The following SPO11 variants were observed in gnomAD, a reference collection of about 807,000 sequenced individuals.
SPO11 encodes meiotic recombination protein SPO11.
Under a neutral mutation model 51.6 loss-of-function variants are expected in SPO11, and 49 were observed. The observed-to-expected ratio is 0.95, with a 90% CI of 0.75 to 1.20. The LOEUF is 1.20. SPO11 is among the 50% of genes most tolerant of loss of function. The pLI is 0.00. For synonymous variants in SPO11, 176 were observed against 158.2 expected (o/e 1.11, Z -0.84); for missense variants, 431 against 473.4 (o/e 0.91, Z 0.83).
chr20:57,331,688 C>CT (rs2066452074), intron 1 of SPO11, 145 bp from the exon 2 acceptor site: 4 of 420,948 alleles, frequency 9.5e-6, no homozygotes, highest in Non-Finnish European at 1.7e-5. Flanking sequence ...TTTTTTTTGT[C>CT]TTTTTTTAAA....
At position 57,334,820 on chromosome 20, in the gene SPO11, G is replaced by A. The variant is rs1166595693; in HGVS notation, c.581G>A (p.Cys194Tyr). Residue 194 changes from cysteine to tyrosine, a missense_variant, in exon 6 of 13, where the codon TGT (cysteine) becomes TAT (tyrosine). Physicochemically the swap from Cys to Tyr is radical, Grantham distance 194. Coordinates refer to ENST00000371263, the MANE Select transcript of SPO11 (RefSeq NM_012444.3). ...GAGGAAGATGGCACCAAAGTGAATT[G>A]TACCTGTGGTGCAACGGTAAGAAGC... is the stretch of plus-strand genomic sequence containing the variant. ...YIEEDGTKVN[C>Y]TCGATAVAVP... 1 of 1,613,722 alleles carries A rather than the reference G, an allele frequency of 6.2e-7. No individual in the cohort carries two copies. Among genetic ancestry groups the A allele is most frequent in the African/African-American group, 1.3e-5 (1 of 75,056 alleles).
At chr20:57,336,020 C>A (rs533150604) in intron 8 of SPO11, 113 bp downstream of exon 8, 2 of 611,110 alleles carry the variant, frequency 3.3e-6, no homozygotes, top group Non-Finnish European at 5.7e-6. Context: ...ATAATGCATC[C>A]TTTGGGATCA....
intron 8 of SPO11, chr20:57,337,625 G>A (rs2066528173): frequency 4.8e-6 from 3 of 620,088 alleles, no homozygotes; most frequent in South Asian, 3.3e-5. Context: ...AAATATGTAG[G>A]ATGTTTATTA....
At chr20:57,337,776 GA>G (rs1341001369) in intron 8 of SPO11, 3 of 1,307,968 alleles carry the variant, frequency 2.3e-6, no homozygotes, top group Non-Finnish European at 3.0e-6. Flanking sequence ...TCCAAGGTAG[GA>G]AGATGTAACC....
chr20:57,342,399 A>G (rs1165465651), intron 11 of SPO11, among the ~76,000 whole-genome samples: 1 of 152,240 alleles, frequency 6.6e-6, no homozygotes, highest in East Asian at 1.9e-4. Context: ...CTGCCCTGGT[A>G]TCTGTATACC....
intron 11 of SPO11, among the ~76,000 whole-genome samples, chr20:57,341,979 G>T (rs953931873): frequency 6.6e-6 from 1 of 152,136 alleles, no homozygotes; most frequent in Non-Finnish European, 1.5e-5. Context: ...TCCAAGAACT[G>T]CCCCTGGCAA....
At chr20:57,335,377 T>C in intron 6 of SPO11, 42 bp from the exon 7 acceptor site, 1 of 1,539,172 alleles carries the variant, frequency 6.5e-7, no homozygotes, top group Non-Finnish European at 8.9e-7. Context: ...AAAATGTGGT[T>C]ATTTTGCTTT....
rs1171452127 is a variant in SPO11, at chr20:57,340,095, A to G, written c.883-7A>G. ...CTCACCTAATATACTTTTGTTCTTTATTTTAGTCTATGTCTTTTGAAGCTC... is the reference window on the plus strand; with the variant it reads ...CTCACCTAATATACTTTTGTTCTTTGTTTTAGTCTATGTCTTTTGAAGCTC... On this transcript the variant is annotated splice_region_variant and splice_polypyrimidine_tract_variant and intron_variant, in intron 10 of 12. Coordinates refer to ENST00000371263, the MANE Select transcript of SPO11 (RefSeq NM_012444.3). The G allele has an allele frequency of 6.3e-7, 1 of 1,599,206 alleles. No homozygotes were observed.
At chr20:57,334,124 A>T in intron 5 of SPO11, 29 bp downstream of exon 5, 4 of 1,102,486 alleles carry the variant, frequency 3.6e-6, no homozygotes, top group Non-Finnish European at 3.8e-6. Flanking sequence ...AAAACATTTT[A>T]TTTTAAAACA....
intron 2 of SPO11, 51 bp from the exon 3 acceptor site, chr20:57,333,137 T>C (rs755299888): frequency 1.5e-5 from 20 of 1,363,024 alleles, no homozygotes; most frequent in Non-Finnish European, 2.0e-5. Flanking sequence ...TTGTTTGGTG[T>C]TTAGAAGTTG....
intron 8 of SPO11, among the ~76,000 whole-genome samples, chr20:57,337,961 C>G (rs974535166): frequency 6.6e-6 from 1 of 152,174 alleles, no homozygotes; most frequent in Non-Finnish European, 1.5e-5. Context: ...GATTTCGGCT[C>G]ATTGCAACTT....
Position 57,338,296 on chromosome 20 carries a change from A to C in SPO11, c.765A>C (p.Leu255=). The C allele has an allele frequency of 1.2e-6, 2 of 1,613,292 alleles. No homozygotes were observed. Residue 255 remains leucine (L), a synonymous_variant, in exon 9 of 13, where the codon CTA becomes CTC. Transcript: ENST00000371263. The part of the protein sequence containing the change: ...IMITGKGVPD[L]NTRLLVKKLW... Reference sequence around the variant, plus strand: ...TTTAGGGAAAGGGAGTTCCTGATCTAAACACAAGACTTTTAGTCAAGAAAC... The same window carrying C: ...TTTAGGGAAAGGGAGTTCCTGATCTCAACACAAGACTTTTAGTCAAGAAAC...
chr20:57,336,916 A>G (rs905956209), intron 8 of SPO11, among the ~76,000 whole-genome samples: 2 of 152,086 alleles, frequency 1.3e-5, no homozygotes, highest in Non-Finnish European at 2.9e-5. Context: ...TCACTTTAAT[A>G]ATGGGGTACT....
intron 10 of SPO11, among the ~76,000 whole-genome samples, 175 bp from the exon 11 acceptor site, chr20:57,339,927 T>C (rs1285095196): frequency 6.6e-6 from 1 of 152,194 alleles, no homozygotes; most frequent in Non-Finnish European, 1.5e-5. Context: ...ACACCTTCAC[T>C]AAAAGCCCAG....
intron 8 of SPO11, among the ~76,000 whole-genome samples, chr20:57,336,233 T>G (rs1309576621): frequency 6.6e-6 from 1 of 152,212 alleles, no homozygotes; most frequent in Non-Finnish European, 1.5e-5. Flanking sequence ...AAGCTGAGTG[T>G]TCCTGCCACT....
At chr20:57,337,852 C>T in intron 8 of SPO11, 1 of 822,872 alleles carries the variant, frequency 1.2e-6, no homozygotes, top group African/African-American at 1.8e-5. Context: ...AGAGTACTAA[C>T]CGTTGTATGA....
At chr20:57,338,411 T>C in intron 9 of SPO11, 36 bp downstream of exon 9, 3 of 1,345,286 alleles carry the variant, frequency 2.2e-6, no homozygotes, top group Non-Finnish European at 3.1e-6. Flanking sequence ...ACAATAGTCA[T>C]AACTAAATCA....
intron 12 of SPO11, 64 bp from the exon 13 acceptor site, chr20:57,343,277 T>G: frequency 1.3e-6 from 2 of 1,571,918 alleles, no homozygotes; most frequent in Non-Finnish European, 1.7e-6. Flanking sequence ...GATTACTAGT[T>G]TGTTGAATTG....
At chr20:57,341,705 T>C (rs1316458475) in intron 11 of SPO11, among the ~76,000 whole-genome samples, 1 of 152,234 alleles carries the variant, frequency 6.6e-6, no homozygotes, top group Non-Finnish European at 1.5e-5. Context: ...TTCAATTTAG[T>C]GTATGTGTGT....
Sources: gnomAD v4.1 joint callset for allele counts (sites outside exome capture counted in the v4.1 genomes callset) on GRCh38, gnomAD v4.1.1 for gene constraint, MANE v1.5 for transcripts, NCBI Gene and HGNC (gene_info 2026-07-23, HGNC 2026-07-21) for gene names.